DYNC1I1: variants seen among roughly 807,000 people sequenced by gnomAD.
The protein encoded by DYNC1I1 is dynein cytoplasmic 1 intermediate chain 1, also known as cytoplasmic dynein 1 intermediate chain 1.
In DYNC1I1, 43 loss-of-function variants were observed where a neutral mutation model predicts 86.6. The ratio of observed to expected loss-of-function variants is 0.50; its 90% CI spans 0.39 to 0.64. The LOEUF (loss-of-function observed/expected upper bound fraction) is 0.64. DYNC1I1 is among the 30% of genes least tolerant of loss of function. The pLI, the probability that DYNC1I1 is intolerant of heterozygous loss-of-function variation, is 0.00. For missense variants in DYNC1I1, 604 were observed against 788.8 expected (o/e 0.77, Z 2.81); for synonymous variants, 262 against 283.7 (o/e 0.92, Z 0.77).
intron 7 of DYNC1I1, among the ~76,000 whole-genome samples, chr7:95,978,121 A>G (rs1793355221): frequency 6.6e-6 from 1 of 152,196 alleles, no homozygotes; most frequent in South Asian, 2.1e-4. Flanking sequence ...TTAAGGGCTC[A>G]CTATGCCCTT....
chr7:95,920,496 T>C (rs1011483592), intron 6 of DYNC1I1, among the ~76,000 whole-genome samples: 1 of 152,070 alleles, frequency 6.6e-6, no homozygotes, highest in Non-Finnish European at 1.5e-5. Flanking sequence ...GATTCTAGAG[T>C]GTCCGTATTG....
intron 1 of DYNC1I1, among the ~76,000 whole-genome samples, chr7:95,782,832 T>C (rs1794028021): frequency 1.3e-5 from 2 of 152,088 alleles, no homozygotes; most frequent in Non-Finnish European, 2.9e-5. Context: ...AGTGGGAAGA[T>C]GATCTGCCCC....
chr7:95,813,387 A>AC (rs1794876230), intron 4 of DYNC1I1, 50 bp downstream of exon 4: 9 of 1,568,878 alleles, frequency 5.7e-6, no homozygotes, highest in Non-Finnish European at 7.7e-6. Flanking sequence ...TTAAAAAAAA[A>AC]AAAAAACAGC....
intron 10 of DYNC1I1, among the ~76,000 whole-genome samples, chr7:96,006,025 G>T (rs1794134029): frequency 6.6e-6 from 1 of 152,172 alleles, no homozygotes; most frequent in African/African-American, 2.4e-5. Context: ...GAAAACAAGG[G>T]GGGAGCAGGA....
At chr7:95,941,114 G>A (rs6960277) in intron 6 of DYNC1I1, among the ~76,000 whole-genome samples, 120,625 of 152,102 alleles carry the variant, frequency 0.79, 48,052 homozygotes, top group East Asian at 0.93. Flanking sequence ...AGAACAGTGG[G>A]TTTTCGTGAA....
intron 10 of DYNC1I1, among the ~76,000 whole-genome samples, chr7:96,004,247 C>T (rs1392868370): frequency 6.6e-6 from 1 of 152,112 alleles, no homozygotes; most frequent in Non-Finnish European, 1.5e-5. Flanking sequence ...TTGCCAAAGA[C>T]TTGAGCAAGA....
chr7:95,796,658 A>G (rs532283880), intron 1 of DYNC1I1, among the ~76,000 whole-genome samples: 49 of 152,254 alleles, frequency 3.2e-4, no homozygotes, highest in Admixed American at 5.9e-4. Flanking sequence ...TTTTCCTAAA[A>G]AAAGCCTGAA....
chr7:95,995,249 A>AAATAAATAAAT (rs1793834350), intron 9 of DYNC1I1, among the ~76,000 whole-genome samples: 9 of 143,130 alleles, frequency 6.3e-5, no homozygotes, highest in South Asian at 4.6e-4. Flanking sequence ...TCCATCTCAA[A>AAATAAATAAAT]AAATAAATAA....
chr7:95,785,927 G>A (rs191111590), intron 1 of DYNC1I1, among the ~76,000 whole-genome samples: 3 of 151,198 alleles, frequency 2.0e-5, no homozygotes, highest in Admixed American at 2.0e-4. Flanking sequence ...AAATGCTAAG[G>A]TATCTATTTT....
rs190149987 is a variant in DYNC1I1, at chr7:95,838,907, T to C, written c.374+10791T>C. 3.9e-4 allele frequency among the ~76,000 whole-genome samples: 59 copies of C among 152,338 alleles called. No individual in the cohort carries two copies. The East Asian group carries it at 0.01, about 26-fold the overall frequency. On this transcript the variant is annotated intron_variant, in intron 5 of 16. Transcript: ENST00000447467. The stretch of plus-strand genomic sequence containing the variant: ...AAAGTTTCCTACGTACAAGGTCATG[T>C]CATCTACAAAAAGAGACATTTTACT...
intron 1 of DYNC1I1, among the ~76,000 whole-genome samples, chr7:95,803,892 A>T (rs1454526359): frequency 1.3e-5 from 2 of 152,174 alleles, no homozygotes; most frequent in African/African-American, 4.8e-5. Flanking sequence ...AACTGATTTT[A>T]TTTAAAAATG....
At chr7:95,879,290 T>C (rs1448198175) in intron 6 of DYNC1I1, among the ~76,000 whole-genome samples, 1 of 152,224 alleles carries the variant, frequency 6.6e-6, no homozygotes, top group Non-Finnish European at 1.5e-5. Flanking sequence ...ATTCAGCCTA[T>C]AACTTATAGA....
chr7:96,036,576 T>A (rs190249540), intron 13 of DYNC1I1, among the ~76,000 whole-genome samples: 218 of 152,348 alleles, frequency 1.4e-3, no homozygotes, highest in Non-Finnish European at 3.0e-3. Flanking sequence ...CTTACTACAT[T>A]ATTTCCATTT....
intron 6 of DYNC1I1, among the ~76,000 whole-genome samples, chr7:95,875,027 C>G (rs1447440030): frequency 6.6e-6 from 1 of 152,208 alleles, no homozygotes; most frequent in African/African-American, 2.4e-5. Context: ...ACCTCTAACT[C>G]TCTCTGCCTC....
rs181078226 is a variant in DYNC1I1, at chr7:95,999,701, G to A, written c.969+3628G>A. Among the ~76,000 whole-genome samples the A allele has an allele frequency of 1.3e-3, 203 of 152,196 alleles. 4 individuals are homozygous for A. The highest frequency in any genetic ancestry group is 1.9e-4 in the Non-Finnish European group (13 of 68,008). On this transcript the variant is annotated intron_variant, in intron 10 of 16. Coordinates refer to ENST00000447467, the MANE Select transcript of DYNC1I1 (RefSeq NM_001135556.2). ...GAGTGTGGGCTGGTGGTTAGGACAG[G>A]GACAGAAAGTTAGGACTCGGAGTTC...
At position 95,872,914 on chromosome 7, in the gene DYNC1I1, T is replaced by G. The variant is rs575259978; in HGVS notation, c.490+2916T>G. Among the ~76,000 whole-genome samples the G allele has an allele frequency of 9.1e-4, 139 of 152,328 alleles. 1 individual carries two copies. The South Asian group carries it at 0.011, about 12-fold the overall frequency. On this transcript the variant is annotated intron_variant, in intron 6 of 16. Transcript: ENST00000447467. ...TCCTGGGCTTAGGGAGCCAGTCTTT[T>G]GCATCTTTATTATAGTGAGTGAGTG...
rs775154292 is a variant in DYNC1I1, at chr7:95,804,777, G to A, written c.48G>A (p.Gln16=). ...AAGCTGAGCTAGAGCGCAAAAAGCAGCGCTTAGCACAGATAAGAGAAGAGA... is the reference window on the plus strand; with the variant it reads ...AAGCTGAGCTAGAGCGCAAAAAGCAACGCTTAGCACAGATAAGAGAAGAGA... The part of the protein sequence containing the change: ...DLKAELERKK[Q]RLAQIREEKK... Residue 16 remains glutamine (Q), a synonymous_variant, in exon 2 of 17, where the codon CAG becomes CAA. Transcript: ENST00000447467. 11 of 1,597,280 alleles carry A rather than the reference G, an allele frequency of 6.9e-6. No homozygotes were observed. In the South Asian group the frequency reaches 1.2e-4, roughly 18 times the overall value.
chr7:96,024,667 A>T (rs1369458452), intron 10 of DYNC1I1, among the ~76,000 whole-genome samples: 2 of 152,204 alleles, frequency 1.3e-5, no homozygotes, highest in Admixed American at 6.5e-5. Context: ...GAAATTTTTT[A>T]AAATAAAATG....
intron 16 of DYNC1I1, among the ~76,000 whole-genome samples, chr7:96,091,107 T>A (rs1246987846): frequency 2.0e-5 from 3 of 152,192 alleles, no homozygotes; most frequent in Non-Finnish European, 4.4e-5. Context: ...TGTATTTGTA[T>A]ACCAGTAAGT....
Sources: gnomAD v4.1 joint callset for allele counts (sites outside exome capture counted in the v4.1 genomes callset) on GRCh38, gnomAD v4.1.1 for gene constraint, MANE v1.5 for transcripts, NCBI Gene and HGNC (gene_info 2026-07-23, HGNC 2026-07-21) for gene names.